Variants in PCDHGB3 observed in about 807,000 individuals in gnomAD.
PCDHGB3 encodes protocadherin gamma subfamily B, 3.
PCDHGB3 carries 40 observed loss-of-function variants against 59.2 expected under a neutral mutation model. That is an observed-to-expected ratio of 0.68 (90% CI 0.52 to 0.88). PCDHGB3 has a LOEUF of 0.88. Among genes scored for constraint, PCDHGB3 ranks in the 40% least tolerant of loss-of-function variants. The pLI is 0.00. For missense variants in PCDHGB3, 1,309 were observed against 1,187.9 expected, an observed-to-expected ratio of 1.10 and a Z score of -1.50; for synonymous variants, 581 against 503.6, an observed-to-expected ratio of 1.15 and a Z score of -2.06.
At chr5:141,497,013 A>G (rs2099773320) in intron 2 of PCDHGB3, among the ~76,000 whole-genome samples, 1 of 151,990 alleles carries the variant, frequency 6.6e-6, no homozygotes, top group Admixed American at 6.6e-5. Context: ...ACATGGTGAA[A>G]CCCCATCTCG....
intron 1 of PCDHGB3, chr5:141,419,412 G>A (rs770138290): frequency 1.9e-6 from 3 of 1,613,446 alleles, no homozygotes; most frequent in South Asian, 2.2e-5. Context: ...TTCGCGCAGC[G>A]CGCCTTCGAC....
chr5:141,404,142 C>CAGA (rs781433913), intron 1 of PCDHGB3: 9 of 1,612,668 alleles, frequency 5.6e-6, no homozygotes, highest in Non-Finnish European at 6.8e-6. Flanking sequence ...TTAGAAAATT[C>CAGA]AGAAGAAGAT....
At chr5:141,478,143 A>G (rs759384540) in intron 1 of PCDHGB3, 72 of 1,614,014 alleles carry the variant, frequency 4.5e-5, no homozygotes, top group Middle Eastern at 3.3e-4. Context: ...GCCCGAGCCG[A>G]GTTCCCCTCT....
Position 141,371,891 on chromosome 5 carries a change from G to A in PCDHGB3, c.1497G>A (p.Arg499=), listed in dbSNP as rs771271665. 3 of 1,613,446 alleles carry A rather than the reference G, an allele frequency of 1.9e-6. No homozygotes were observed. Among genetic ancestry groups the A allele is most frequent in the Non-Finnish European group, 2.5e-6 (3 of 1,179,910 alleles). ...YYIVASDLEP[R]ELSSYVSVSA... ...TCGTGGCCAGTGACCTGGAGCCGCGGGAGCTGTCGTCCTACGTGTCCGTGA... is the reference window on the plus strand; with the variant it reads ...TCGTGGCCAGTGACCTGGAGCCGCGAGAGCTGTCGTCCTACGTGTCCGTGA... The change falls in exon 1 of 4, where the codon CGG becomes CGA. Residue 499 remains arginine, a synonymous_variant. Coordinates refer to ENST00000576222, the MANE Select transcript of PCDHGB3 (RefSeq NM_018924.5).
chr5:141,398,826 C>G (rs755219133), intron 1 of PCDHGB3: 1 of 1,613,824 alleles, frequency 6.2e-7, no homozygotes, highest in South Asian at 1.1e-5. Flanking sequence ...TCCAGGTAAC[C>G]GACGCCAATG....
chr5:141,435,929 G>A (rs926025053), intron 1 of PCDHGB3, among the ~76,000 whole-genome samples: 10 of 152,134 alleles, frequency 6.6e-5, no homozygotes, highest in African/African-American at 2.4e-4. Flanking sequence ...TGCGGCAGTT[G>A]CTGCTTCTGA....
At chr5:141,437,463 AC>A (rs2097887109) in intron 1 of PCDHGB3, among the ~76,000 whole-genome samples, 1 of 152,184 alleles carries the variant, frequency 6.6e-6, no homozygotes, top group Non-Finnish European at 1.5e-5. Flanking sequence ...ACTATACTAT[AC>A]TTTTATAGCA....
chr5:141,393,115 GGT>G (rs1236382706), intron 1 of PCDHGB3: 1 of 1,613,438 alleles, frequency 6.2e-7, no homozygotes, highest in Non-Finnish European at 8.5e-7. Flanking sequence ...CAGAGCCCGC[GGT>G]GTCTGATAAA....
chr5:141,422,520 G>T, intron 1 of PCDHGB3: 2 of 1,613,946 alleles, frequency 1.2e-6, no homozygotes, highest in Middle Eastern at 1.6e-4. Flanking sequence ...AGGGAAGCCC[G>T]CCTTTGTCTG....
chr5:141,373,366 A>T (rs1309577062), intron 1 of PCDHGB3, among the ~76,000 whole-genome samples: 1 of 152,214 alleles, frequency 6.6e-6, no homozygotes, highest in Non-Finnish European at 1.5e-5. Context: ...ACTGTAATGA[A>T]TTGGTTCAAA....
intron 1 of PCDHGB3, chr5:141,415,040 CG>C (rs878992043): frequency 6.2e-7 from 1 of 1,613,520 alleles, no homozygotes; most frequent in East Asian, 2.2e-5. Flanking sequence ...GGACTCTTCG[CG>C]GTGGGGGAGC....
At chr5:141,423,500 T>A (rs1191111288) in intron 1 of PCDHGB3, 1 of 1,613,732 alleles carries the variant, frequency 6.2e-7, no homozygotes, top group Non-Finnish European at 8.5e-7. Flanking sequence ...TCCCACGAGG[T>A]CTCTCTCATT....
intron 1 of PCDHGB3, chr5:141,378,737 T>C (rs982541693): frequency 3.3e-5 from 5 of 152,152 alleles, no homozygotes; most frequent in African/African-American, 1.2e-4. Flanking sequence ...TATTGAAATA[T>C]TTCAAGAAAA....
chr5:141,420,042 A>T, intron 1 of PCDHGB3: 2 of 1,614,048 alleles, frequency 1.2e-6, no homozygotes, highest in Non-Finnish European at 8.5e-7. Context: ...GACTGCTTTG[A>T]GTCAGTTCTC....
chr5:141,404,709 A>G (rs746275941), intron 1 of PCDHGB3: 33 of 1,613,624 alleles, frequency 2.0e-5, no homozygotes, highest in Non-Finnish European at 2.7e-5. Flanking sequence ...GAGCCTGGCT[A>G]CCTGGTGACC....
Position 141,487,397 on chromosome 5 carries a change from G to A in PCDHGB3, c.2416-7410G>A. 1 of 1,614,062 alleles carries A rather than the reference G, an allele frequency of 6.2e-7. No homozygotes were observed. Among genetic ancestry groups the A allele is most frequent in the Middle Eastern group, 1.6e-4 (1 of 6,062 alleles). Reference sequence around the variant, plus strand: ...TCTCACCAGATCTCGAAGGAGGGAGGGGCTTCCCCCTTCCAATGGGATCCT... The same window carrying A: ...TCTCACCAGATCTCGAAGGAGGGAGAGGCTTCCCCCTTCCAATGGGATCCT... On this transcript the variant is annotated intron_variant, in intron 1 of 3. Coordinates refer to ENST00000576222, the MANE Select transcript of PCDHGB3 (RefSeq NM_018924.5). This position sits in a 1 kb window ranked among gnomAD's most constrained non-coding sequence, Gnocchi z 5.0.
In PCDHGB3 at chr5:141,490,584, T is replaced by C; in HGVS notation, c.2416-4223T>C. The stretch of plus-strand genomic sequence containing the variant: ...TCAGGCTCAACATTTCAGATGTCAA[T>C]GACAATGCACCCCGCTTCAACCAGC... On this transcript the variant is annotated intron_variant, in intron 1 of 3. Coordinates refer to ENST00000576222, the MANE Select transcript of PCDHGB3 (RefSeq NM_018924.5). The surrounding 1 kb of genome is among the most constrained non-coding windows in gnomAD (Gnocchi z 5.4). 6.2e-7 allele frequency: 1 copy of C among 1,614,170 alleles called. No individual in the cohort carries two copies. Among genetic ancestry groups the C allele is most frequent in the South Asian group, 1.1e-5 (1 of 91,080 alleles).
intron 1 of PCDHGB3, among the ~76,000 whole-genome samples, chr5:141,437,922 G>A (rs1039507511): frequency 1.3e-5 from 2 of 152,106 alleles, no homozygotes; most frequent in Admixed American, 6.5e-5. Context: ...ATTTTTAGTA[G>A]AGATGGGGTT....
intron 1 of PCDHGB3, chr5:141,389,157 C>G: frequency 6.2e-7 from 1 of 1,613,976 alleles, no homozygotes; most frequent in African/African-American, 1.3e-5. Flanking sequence ...GGCAACAGAT[C>G]GGGGCAAGCC....
Sources: gnomAD v4.1 joint callset for allele counts (sites outside exome capture counted in the v4.1 genomes callset) on GRCh38, gnomAD v4.1.1 for gene constraint, Gnocchi (gnomAD v3.1) non-coding constraint, MANE v1.5 for transcripts, NCBI Gene and HGNC (gene_info 2026-07-23, HGNC 2026-07-21) for gene names.